The following SKAP1 variants were observed in gnomAD, a reference collection of about 807,000 sequenced individuals.
SKAP1 encodes the protein src kinase-associated phosphoprotein 1.
Under a neutral mutation model 58.5 loss-of-function variants are expected in SKAP1, and 44 were observed. That is an observed-to-expected ratio of 0.75 (90% CI 0.59 to 0.97). SKAP1 has a LOEUF of 0.97. Ranked by LOEUF, SKAP1 falls within the 50% of genes least tolerant of loss-of-function variation. The probability of loss-of-function intolerance (pLI) is 0.00; values close to 1 mark genes in which losing one functional copy is unlikely to be tolerated. For missense variants in SKAP1, 390 were observed against 435.2 expected (o/e 0.90, Z 0.92); for synonymous variants, 127 against 149.7 (o/e 0.85, Z 1.11).
chr17:48,162,724 T>A, intron 10 of SKAP1, 155 bp from the exon 11 acceptor site: 2 of 571,698 alleles, frequency 3.5e-6, no homozygotes, highest in Non-Finnish European at 6.2e-6. Flanking sequence ...ACACTCAGCA[T>A]GAGCAAAGGA....
intron 2 of SKAP1, among the ~76,000 whole-genome samples, chr17:48,371,654 C>CAAAAAAAAAAAAAAAA (rs71141985): frequency 5.3e-5 from 2 of 37,892 alleles, no homozygotes; most frequent in Non-Finnish European, 8.3e-5. Flanking sequence ...CTTGTCTCCA[C>CAAAAAAAAAAAAAAAA]AAAAAAAAAA....
chr17:48,166,585 G>A (rs2143324515), intron 10 of SKAP1, among the ~76,000 whole-genome samples: 1 of 152,312 alleles, frequency 6.6e-6, no homozygotes, highest in East Asian at 1.9e-4. Flanking sequence ...CTGTGATCAG[G>A]GAAAAGTGGC....
chr17:48,292,723 T>G (rs1447637517), intron 4 of SKAP1, among the ~76,000 whole-genome samples: 1 of 152,334 alleles, frequency 6.6e-6, no homozygotes, highest in East Asian at 1.9e-4. Context: ...ATATGGTAAG[T>G]TATACTGCAG....
intron 11 of SKAP1, among the ~76,000 whole-genome samples, chr17:48,157,986 T>C (rs62066407): frequency 0.53 from 79,192 of 149,578 alleles, 22,706 homozygotes; most frequent in East Asian, 0.76. Flanking sequence ...GAGAACAGCC[T>C]GACCAACATG....
At chr17:48,277,280 G>A (rs539670082) in intron 4 of SKAP1, among the ~76,000 whole-genome samples, 16 of 152,210 alleles carry the variant, frequency 1.1e-4, no homozygotes, top group Admixed American at 3.3e-4. Flanking sequence ...CAGCAGCTGA[G>A]TATTAAAGTT....
At chr17:48,431,326 A>G (rs79329664), upstream of SKAP1, among the ~76,000 whole-genome samples, 270 of 152,332 alleles carry the variant, frequency 1.8e-3, 4 homozygotes, top group Admixed American at 0.012. Flanking sequence ...AAGAAAGAAA[A>G]TAAAAAGAAG....
chr17:48,210,433 T>G (rs1296574176), intron 4 of SKAP1, among the ~76,000 whole-genome samples: 1 of 151,882 alleles, frequency 6.6e-6, no homozygotes, highest in African/African-American at 2.4e-5. Flanking sequence ...AGCCTCAGAG[T>G]AGATTTGTAT....
intron 1 of SKAP1, among the ~76,000 whole-genome samples, chr17:48,426,204 A>T (rs1424376936): frequency 2.0e-5 from 3 of 152,264 alleles, no homozygotes; most frequent in Non-Finnish European, 4.4e-5. Flanking sequence ...GAAATGATTA[A>T]TGACTGCTTC....
intron 4 of SKAP1, among the ~76,000 whole-genome samples, chr17:48,285,387 C>T (rs987919456): frequency 4.6e-5 from 7 of 152,184 alleles, no homozygotes; most frequent in Admixed American, 1.3e-4. Context: ...GAGGCCAAGG[C>T]GGGTGGATCA....
At chr17:48,344,923 A>T (rs1446943813) in intron 4 of SKAP1, among the ~76,000 whole-genome samples, 1 of 152,254 alleles carries the variant, frequency 6.6e-6, no homozygotes, top group African/African-American at 2.4e-5. Context: ...CTAAATAAAA[A>T]GAAATGGAAA....
At chr17:48,391,061 C>A (rs944612690) in intron 2 of SKAP1, among the ~76,000 whole-genome samples, 1 of 152,056 alleles carries the variant, frequency 6.6e-6, no homozygotes, top group Non-Finnish European at 1.5e-5. Flanking sequence ...CAGAATGAGA[C>A]TCTGTCTCAA....
chr17:48,296,126 T>C (rs555195078), intron 4 of SKAP1, among the ~76,000 whole-genome samples: 138 of 152,230 alleles, frequency 9.1e-4, no homozygotes, highest in Non-Finnish European at 1.5e-3. Flanking sequence ...GGGAATTGTA[T>C]GAACTTTTGA....
chr17:48,194,101 C>T (rs1423528597), intron 4 of SKAP1, among the ~76,000 whole-genome samples: 2 of 152,150 alleles, frequency 1.3e-5, no homozygotes, highest in African/African-American at 2.4e-5. Flanking sequence ...TCTCTCCCTA[C>T]CACTACACTT....
rs542428649 is a variant in SKAP1 at position 48,140,193 on chromosome 17, A to G, written c.979-2856T>C. 8.5e-5 allele frequency among the ~76,000 whole-genome samples: 13 copies of G among 152,200 alleles called. No homozygotes were observed. The South Asian group carries it at 2.5e-3, about 29-fold the overall frequency. ...CGTCCTCTACTTAGGCTCTCTCTCC[A>G]TGGTCTCCTGTAACCTCTGCATTGC... On this transcript the variant is annotated intron_variant, in intron 11 of 12. Transcript: ENST00000336915.
intron 4 of SKAP1, among the ~76,000 whole-genome samples, chr17:48,345,495 A>G (rs2066711309): frequency 6.6e-6 from 1 of 152,172 alleles, no homozygotes; most frequent in African/African-American, 2.4e-5. Context: ...AAGGGTCTCA[A>G]ATGATCCACA....
intron 1 of SKAP1, among the ~76,000 whole-genome samples, chr17:48,420,917 T>A (rs2067785688): frequency 6.6e-6 from 1 of 152,076 alleles, no homozygotes; most frequent in Non-Finnish European, 1.5e-5. Flanking sequence ...AACCAAAACG[T>A]CTCCAGATGT....
chr17:48,373,933 A>G (rs2067120764), intron 2 of SKAP1, among the ~76,000 whole-genome samples: 1 of 152,188 alleles, frequency 6.6e-6, no homozygotes, highest in Non-Finnish European at 1.5e-5. Context: ...CCTGTGACTT[A>G]TGGAAATTTA....
intron 4 of SKAP1, among the ~76,000 whole-genome samples, chr17:48,229,563 G>A (rs1475295915): frequency 5.9e-5 from 9 of 152,140 alleles, no homozygotes; most frequent in African/African-American, 2.2e-4. Context: ...AGAGGTTGCA[G>A]TGAGCTGAGA....
At chr17:48,353,369 GA>G (rs1302804750) in intron 3 of SKAP1, among the ~76,000 whole-genome samples, 1 of 152,126 alleles carries the variant, frequency 6.6e-6, no homozygotes, top group Non-Finnish European at 1.5e-5. Context: ...AAAAGCCTTT[GA>G]AAAATATATA....
Sources: allele counts gnomAD v4.1 joint callset (sites outside exome capture counted in the v4.1 genomes callset), GRCh38; gene constraint gnomAD v4.1.1; transcripts MANE v1.5; gene names NCBI Gene and HGNC (gene_info 2026-07-23, HGNC 2026-07-21).